The following TMC1 variants were observed in gnomAD, a reference collection of about 807,000 sequenced individuals.
TMC1 encodes transmembrane channel like 1.
A neutral mutation model predicts 105.8 loss-of-function variants in TMC1; 84 were observed. The ratio of observed to expected loss-of-function variants is 0.79; its 90% CI spans 0.67 to 0.95. The LOEUF (loss-of-function observed/expected upper bound fraction) is 0.95, where lower values mean the gene tolerates loss of function less well. Among genes scored for constraint, TMC1 ranks in the 40% least tolerant of loss-of-function variants. TMC1 has a pLI of 0.00. For missense variants in TMC1, 817 were observed against 914.1 expected (o/e 0.89, Z 1.37); for synonymous variants, 315 against 311.5 (o/e 1.01, Z -0.12).
intron 20 of TMC1, among the ~76,000 whole-genome samples, chr9:72,822,821 C>T (rs1828897565): frequency 6.6e-6 from 1 of 152,104 alleles, no homozygotes; most frequent in African/African-American, 2.4e-5. Context: ...ACCCTAGCTG[C>T]CTGTAAGGGA....
intron 2 of TMC1, among the ~76,000 whole-genome samples, chr9:72,607,002 T>TAGAGAGAGAGAGAG (rs57741839): frequency 4.5e-4 from 61 of 134,962 alleles, no homozygotes; most frequent in African/African-American, 1.4e-3. Flanking sequence ...TATATATATA[T>TAGAGAGAGAGAGAG]AGAGAGAGAG....
In TMC1 at chr9:72,837,696, T is replaced by G. The variant is rs1053618693; in HGVS notation, c.*1723T>G. On this transcript the variant is annotated 3_prime_UTR_variant, in exon 24 of 24. Transcript: ENST00000297784. ...TTTAATTGCATAGCTTAACTCAGTG[T>G]GCCTTTCCAAAACTAAGCCAATTTG... 6.6e-6 allele frequency: 1 copy of G among 152,232 alleles called. No homozygotes were observed. Among genetic ancestry groups the G allele is most frequent in the Admixed American group, 6.5e-5 (1 of 15,282 alleles). The allele number at this position is 152,232 out of a possible 1,614,324, so 9.4% of individuals were successfully genotyped here.
chr9:72,728,327 T>C (rs919720519), intron 8 of TMC1, among the ~76,000 whole-genome samples: 2 of 152,200 alleles, frequency 1.3e-5, no homozygotes, highest in African/African-American at 4.8e-5. Flanking sequence ...AAGCTTGTCA[T>C]GCAGATTCCT....
In TMC1 at chr9:72,523,667, G is replaced by A. The variant is rs561515151; in HGVS notation, c.-428+1754G>A. Among the ~76,000 whole-genome samples, 487 of 152,192 alleles carry A rather than the reference G, an allele frequency of 3.2e-3. 7 individuals carry two copies. Among genetic ancestry groups the A allele is most frequent in the Non-Finnish European group, 4.5e-3 (305 of 68,014 alleles). On this transcript the variant is annotated intron_variant, in intron 1 of 23. Transcript: ENST00000297784. ...AAGAGACTGGCCTTGCTGTCTTAGG[G>A]GTGGCAGGGATGGTAGAGGTGCAGG...
rs980587189 is a variant in TMC1 at position 72,582,659 on chromosome 9, C to T, written c.-306+4636C>T. Among the ~76,000 whole-genome samples the T allele has an allele frequency of 2.0e-5, 3 of 152,186 alleles. No homozygotes were observed. In the South Asian group the frequency reaches 6.2e-4, roughly 31 times the overall value. On this transcript the variant is annotated intron_variant, in intron 2 of 23. Transcript: ENST00000297784. ...AATTTCTGGATTTCTACATTTCTAG[C>T]TCAATGAATGGGGTAAATCAAAACT...
At chr9:72,575,197 T>G (rs1379024856) in intron 1 of TMC1, among the ~76,000 whole-genome samples, 3 of 152,196 alleles carry the variant, frequency 2.0e-5, no homozygotes, top group African/African-American at 7.2e-5. Flanking sequence ...GTTTGTTTGT[T>G]TTTTGATGGA....
At chr9:72,705,600 G>A (rs577903370) in intron 8 of TMC1, among the ~76,000 whole-genome samples, 1 of 152,220 alleles carries the variant, frequency 6.6e-6, no homozygotes, top group African/African-American at 2.4e-5. Context: ...GCATTGATTG[G>A]AAGAAAGAAT....
At chr9:72,533,129 C>G (rs886080569) in intron 1 of TMC1, among the ~76,000 whole-genome samples, 3 of 152,208 alleles carry the variant, frequency 2.0e-5, no homozygotes, top group African/African-American at 4.8e-5. Flanking sequence ...AGGGGAAATA[C>G]TTGTGAGACA....
chr9:72,685,419 A>ATT (rs1826364706), intron 5 of TMC1, among the ~76,000 whole-genome samples: 1 of 146,016 alleles, frequency 6.8e-6, no homozygotes, highest in Admixed American at 6.9e-5. Context: ...GCTGGAGAGC[A>ATT]GTGGCACAAT....
At chr9:72,558,526 G>GTAGCC (rs1169298851) in intron 1 of TMC1, among the ~76,000 whole-genome samples, 2 of 152,202 alleles carry the variant, frequency 1.3e-5, no homozygotes, top group Non-Finnish European at 1.5e-5. Context: ...CATCCAAGGG[G>GTAGCC]TAGATCTGGA....
rs556364872 is a variant in TMC1, at chr9:72,598,141, A to G, written c.-305-18227A>G. 2.0e-5 allele frequency among the ~76,000 whole-genome samples: 3 copies of G among 152,356 alleles called. No individual in the cohort carries two copies. The East Asian group carries it at 5.8e-4, about 29-fold the overall frequency. ...TCAGCCATCACTATGTAGCTTGGCT[A>G]TCATCTTTTGCTTTCTCCTTTACTT... On this transcript the variant is annotated intron_variant, in intron 2 of 23. Transcript: ENST00000297784.
chr9:72,667,989 AG>A lies in TMC1; in HGVS notation c.16+19326del, dbSNP rs139387998. Among the ~76,000 whole-genome samples, 1,493 of 152,306 alleles carry A rather than the reference AG, an allele frequency of 9.8e-3. 29 individuals carry two copies. Among genetic ancestry groups the A allele is most frequent in the African/African-American group, 0.034 (1,422 of 41,566 alleles). ...TCCTATCTTTGACATTAAAAATCACAGTACTTAGTTATATTCTACCTCACAC... is the reference window on the plus strand; with the variant it reads ...TCCTATCTTTGACATTAAAAATCACATACTTAGTTATATTCTACCTCACAC... On this transcript the variant is annotated intron_variant, in intron 5 of 23. Coordinates refer to ENST00000297784, the MANE Select transcript of TMC1 (RefSeq NM_138691.3).
intron 5 of TMC1, chr9:72,651,165 T>A (rs186399647): frequency 1.3e-5 from 2 of 150,988 alleles, no homozygotes; most frequent in African/African-American, 4.9e-5. Flanking sequence ...TTTATCCAGT[T>A]GGGACAGAAC....
chr9:72,618,590 A>C (rs1265882705), intron 3 of TMC1, among the ~76,000 whole-genome samples: 1 of 152,182 alleles, frequency 6.6e-6, no homozygotes, highest in Non-Finnish European at 1.5e-5. Context: ...AGATATAAAT[A>C]AAGTTAAAAT....
chr9:72,644,737 G>A (rs1281053563), intron 4 of TMC1, among the ~76,000 whole-genome samples: 1 of 151,998 alleles, frequency 6.6e-6, no homozygotes, highest in Non-Finnish European at 1.5e-5. Flanking sequence ...CAAGTAATTT[G>A]CATTAATCAA....
rs546631412 is a variant in TMC1 at position 72,806,205 on chromosome 9, G to A, written c.1695+695G>A. 4.6e-3 allele frequency among the ~76,000 whole-genome samples: 608 copies of A among 132,526 alleles called. 3 individuals carry two copies. Among genetic ancestry groups the A allele is most frequent in the African/African-American group, 0.015 (578 of 39,734 alleles). The allele number at this position is 132,526 out of a possible 152,430, so 86.9% of individuals were successfully genotyped here. ...CCCCACCTCCCCTCCCGGACGGGGC[G>A]GCTGGCCGGGCAGGGGGCTGACCAC... is the stretch of plus-strand genomic sequence containing the variant. On this transcript the variant is annotated intron_variant, in intron 18 of 23. Coordinates refer to ENST00000297784, the MANE Select transcript of TMC1 (RefSeq NM_138691.3).
intron 4 of TMC1, among the ~76,000 whole-genome samples, chr9:72,642,901 T>A (rs749190631): frequency 1.3e-5 from 2 of 152,198 alleles, no homozygotes; most frequent in Non-Finnish European, 2.9e-5. Context: ...TCTTTGTGGT[T>A]AATTCTCCTA....
chr9:72,568,950 C>T (rs1280067166), intron 1 of TMC1, among the ~76,000 whole-genome samples: 3 of 152,118 alleles, frequency 2.0e-5, no homozygotes, highest in Non-Finnish European at 4.4e-5. Flanking sequence ...AAACCAACAG[C>T]ATGAACAAGA....
In TMC1 at chr9:72,795,539, G is replaced by A. The variant is rs541567326; in HGVS notation, c.1566+3187G>A. The stretch of plus-strand genomic sequence containing the variant: ...TCTTCAACCAAGAATTTCATATCAG[G>A]CCAAACTAAGCTTCCTAAGCAAAGG... On this transcript the variant is annotated intron_variant, in intron 17 of 23. Transcript: ENST00000297784. Among the ~76,000 whole-genome samples, 9 of 152,190 alleles carry A rather than the reference G, an allele frequency of 5.9e-5. No homozygotes were observed. The South Asian group carries it at 1.7e-3, about 28-fold the overall frequency.
Sources: allele counts gnomAD v4.1 joint callset (sites outside exome capture counted in the v4.1 genomes callset), GRCh38; gene constraint gnomAD v4.1.1; transcripts MANE v1.5; gene names NCBI Gene and HGNC (gene_info 2026-07-23, HGNC 2026-07-21).